MEST: variants seen among roughly 807,000 people sequenced by gnomAD.
The protein encoded by MEST is mesoderm specific transcript, also known as mesoderm-specific transcript homolog protein.
A neutral mutation model predicts 50.9 loss-of-function variants in MEST; 18 were observed. That is an observed-to-expected ratio of 0.35 (90% confidence interval 0.24 to 0.52). The LOEUF (loss-of-function observed/expected upper bound fraction) is 0.52, where lower values mean the gene tolerates loss of function less well. Ranked by LOEUF, MEST falls within the 20% of genes least tolerant of loss-of-function variation. The pLI is 0.94. For synonymous variants in MEST, 130 were observed against 154.1 expected (o/e 0.84, Z 1.16); for missense variants, 282 against 425.3 (o/e 0.66, Z 2.96).
rs1463988647 is a variant in MEST at position 130,492,765 on chromosome 7, C to T, written c.26+426C>T. On this transcript the variant is annotated intron_variant, in intron 1 of 11. Transcript: ENST00000223215. The surrounding 1 kb of genome is among the most constrained non-coding windows in gnomAD (Gnocchi z 7.6). ...ATTTAGGATTTCTAACCCCCAGCAT[C>T]GCCCTGGTTTGATTTAGGATATTTA... Among the ~76,000 whole-genome samples, 1 of 152,096 alleles carries T rather than the reference C, an allele frequency of 6.6e-6. No homozygotes were observed. Among genetic ancestry groups the T allele is most frequent in the African/African-American group, 2.4e-5 (1 of 41,406 alleles).
Position 130,497,947 on chromosome 7 carries a change from T to G in MEST, c.273T>G (p.Gly91=). Residue 91 remains glycine (G), a synonymous_variant, in exon 4 of 12, where the codon GGT becomes GGG. Coordinates refer to ENST00000223215, the MANE Select transcript of MEST (RefSeq NM_002402.4). This position sits in a 1 kb window ranked among gnomAD's most constrained non-coding sequence, Gnocchi z 4.0. The part of the protein sequence containing the change: ...SSYDWYKIWE[G]LTLRFHRVIA... Reference sequence around the variant, plus strand: ...TTTCTTTCTTGTAGATTTGGGAAGGTCTGACCTTGAGGTTTCATCGGGTGA... The same window carrying G: ...TTTCTTTCTTGTAGATTTGGGAAGGGCTGACCTTGAGGTTTCATCGGGTGA... 1 of 1,614,156 alleles carries G rather than the reference T, an allele frequency of 6.2e-7. No individual in the cohort carries two copies. Among genetic ancestry groups the G allele is most frequent in the South Asian group, 1.1e-5 (1 of 91,084 alleles).
chr7:130,503,731 G>A (rs1467127378), intron 10 of MEST, among the ~76,000 whole-genome samples: 3 of 152,138 alleles, frequency 2.0e-5, no homozygotes, highest in Non-Finnish European at 4.4e-5. Context: ...TGGGAGGATC[G>A]CTTGGGCCAA....
chr7:130,493,005 G>A (rs773284487), intron 1 of MEST, among the ~76,000 whole-genome samples: 21 of 152,114 alleles, frequency 1.4e-4, no homozygotes, highest in Non-Finnish European at 1.9e-4. Context: ...CGCACCTTAG[G>A]ATTTCAAGAA....
At chr7:130,496,560 C>T (rs1799069604) in intron 2 of MEST, 1 of 193,378 alleles carries the variant, frequency 5.2e-6, no homozygotes, top group Admixed American at 6.1e-5. Flanking sequence ...TGAATGCTTC[C>T]ATATTGTCAT....
intron 9 of MEST, among the ~76,000 whole-genome samples, chr7:130,502,009 AAAG>A (rs1202214048): frequency 2.7e-5 from 4 of 145,660 alleles, no homozygotes; most frequent in African/African-American, 9.9e-5. Context: ...AGAAAAAAAA[AAAG>A]AAGTAGATGT....
intron 2 of MEST, 31 bp downstream of exon 2, chr7:130,495,553 G>A (rs1799014497): frequency 6.2e-7 from 1 of 1,603,708 alleles, no homozygotes; most frequent in Non-Finnish European, 8.5e-7. Flanking sequence ...AGTCCTGCGT[G>A]TATCGGTCAC....
intron 2 of MEST, chr7:130,495,974 T>C: frequency 5.1e-6 from 2 of 391,084 alleles, no homozygotes; most frequent in South Asian, 1.9e-5. Context: ...CCACTACTTA[T>C]CAAGTAATTA....
chr7:130,489,112 A>C (rs1798710277), upstream of MEST: 1 of 152,182 alleles, frequency 6.6e-6, no homozygotes, highest in South Asian at 2.1e-4. Flanking sequence ...GGGTTAGAAA[A>C]ATATGGTTCT....
rs1160437896 is a variant in MEST, at chr7:130,492,307, C to T, written c.-7C>T. 8.2e-6 allele frequency: 11 copies of T among 1,343,334 alleles called. No individual in the cohort carries two copies. The highest frequency in any genetic ancestry group is 2.1e-4 in the Middle Eastern group (1 of 4,738). The allele number at this position is 1,343,334 out of a possible 1,614,324, so 83.2% of individuals were successfully genotyped here. ...CGCTGCGGCGGGCGGCATGGGATAA[C>T]GCGGCCATGGTGCGCCGAGATCGCC... On this transcript the variant is annotated 5_prime_UTR_variant, in exon 1 of 12. It adds an upstream start codon to the 5' untranslated region. Transcript: ENST00000223215. The surrounding 1 kb of genome is among the most constrained non-coding windows in gnomAD (Gnocchi z 7.6).
upstream of MEST, chr7:130,488,353 C>G (rs1798684485): frequency 6.6e-6 from 1 of 152,222 alleles, no homozygotes; most frequent in South Asian, 2.1e-4. Flanking sequence ...AATTTGCACT[C>G]ATTGGAGCCA....
At chr7:130,488,982 A>C (rs1212914316), upstream of MEST, 3 of 152,152 alleles carry the variant, frequency 2.0e-5, no homozygotes, top group Non-Finnish European at 2.9e-5. Flanking sequence ...AGTTTCTCCC[A>C]TTATGAAGTG....
chr7:130,500,837 G>C lies in MEST; in HGVS notation c.696G>C (p.Leu232=). The change falls in exon 9 of 12, where the codon CTG becomes CTC. Residue 232 remains leucine, a synonymous_variant. Transcript: ENST00000223215. The surrounding 1 kb of genome is among the most constrained non-coding windows in gnomAD (Gnocchi z 5.0). ...ATACTCGGCCCTCTGAGAGTGAGCT[G>C]TGGGACATGTGGGCAGGGATCCGCA... ...GPYTRPSESE[L]WDMWAGIRNN... The C allele has an allele frequency of 2.5e-6, 4 of 1,614,062 alleles. No individual in the cohort carries two copies. Among genetic ancestry groups the C allele is most frequent in the Non-Finnish European group, 3.4e-6 (4 of 1,179,976 alleles).
Position 130,506,257 on chromosome 7 carries a change from T to TTTA in MEST, c.*1204_*1206dup, listed in dbSNP as rs1203232622. On this transcript the variant is annotated 3_prime_UTR_variant, in exon 12 of 12. Coordinates refer to ENST00000223215, the MANE Select transcript of MEST (RefSeq NM_002402.4). ...AACAACTTTGAAACTGGAATAAGTG[T>TTTA]TTATTTTCTATTAATAAAAATGAAT... 6.6e-6 allele frequency: 1 copy of TTTA among 152,244 alleles called. No individual in the cohort carries two copies. The highest frequency in any genetic ancestry group is 1.5e-5 in the Non-Finnish European group (1 of 68,052). 9.4% of individuals were successfully genotyped at this position (152,244 alleles called of 1,614,324 possible).
chr7:130,501,801 T>A (rs1554438556), intron 9 of MEST, among the ~76,000 whole-genome samples: 1 of 150,784 alleles, frequency 6.6e-6, no homozygotes, highest in East Asian at 1.9e-4. Context: ...AGGTCAGGAG[T>A]TTAGAGACCA....
chr7:130,486,681 C>T (rs977443181), intron 1 of MEST: 1 of 152,252 alleles, frequency 6.6e-6, no homozygotes, highest in Non-Finnish European at 1.5e-5. Context: ...TCGTAGAGAA[C>T]ACAAAAGTCA....
intron 1 of MEST, among the ~76,000 whole-genome samples, chr7:130,493,833 C>CAAA (rs1280743223): frequency 6.6e-6 from 1 of 152,154 alleles, no homozygotes; most frequent in Non-Finnish European, 1.5e-5. Flanking sequence ...TAGGGCTGGG[C>CAAA]AAATGATCGT....
chr7:130,498,081 G>A, intron 4 of MEST, 58 bp from the exon 5 acceptor site: 1 of 1,613,920 alleles, frequency 6.2e-7, no homozygotes. Context: ...GGGTCAGGCT[G>A]GCAGAGAGAG....
In MEST at chr7:130,497,171, T is replaced by C. The variant is rs782362234; in HGVS notation, c.197T>C (p.Val66Ala). 2.2e-5 allele frequency: 36 copies of C among 1,612,910 alleles called. No homozygotes were observed. The highest frequency in any genetic ancestry group is 2.7e-5 in the Non-Finnish European group (32 of 1,179,484). The change falls in exon 3 of 12, where the codon GTT (valine) becomes GCT (alanine). Residue 66 changes from valine (V) to alanine (A), a missense_variant. Coordinates refer to ENST00000223215, the MANE Select transcript of MEST (RefSeq NM_002402.4). This position sits in a 1 kb window ranked among gnomAD's most constrained non-coding sequence, Gnocchi z 4.0. Reference sequence around the variant, plus strand: ...TTCTTCCTAGACTCTGTGGGTGTGGTTGGAAGTCCAGAGATAGTTGTGCTT... The same window carrying C: ...TTCTTCCTAGACTCTGTGGGTGTGGCTGGAAGTCCAGAGATAGTTGTGCTT... ...RIFYQDSVGVVGSPEIVVLLH... is the reference protein window; with the variant it reads ...RIFYQDSVGVAGSPEIVVLLH...
chr7:130,492,848 G>A lies in MEST; in HGVS notation c.26+509G>A, dbSNP rs1554435764. ...TCTTAGACTCCGCCGTTGCCGTGGC[G>A]CGATTTAGGATTTATAGATCCCGGC... On this transcript the variant is annotated intron_variant, in intron 1 of 11. Coordinates refer to ENST00000223215, the MANE Select transcript of MEST (RefSeq NM_002402.4). This position sits in a 1 kb window ranked among gnomAD's most constrained non-coding sequence, Gnocchi z 7.6. Among the ~76,000 whole-genome samples, 6 of 151,998 alleles carry A rather than the reference G, an allele frequency of 3.9e-5. 1 individual carries two copies. The South Asian group carries it at 6.3e-4, about 16-fold the overall frequency.
Sources: gnomAD v4.1 joint callset for allele counts (sites outside exome capture counted in the v4.1 genomes callset) on GRCh38, gnomAD v4.1.1 for gene constraint, Gnocchi (gnomAD v3.1) non-coding constraint, MANE v1.5 for transcripts, NCBI Gene and HGNC (gene_info 2026-07-23, HGNC 2026-07-21) for gene names.